Variants in LETM2 observed in about 807,000 individuals in gnomAD.
LETM2 encodes leucine zipper and EF-hand containing transmembrane protein 2.
LETM2 carries 58 observed loss-of-function variants against 59.6 expected under a neutral mutation model. The observed-to-expected ratio is 0.97, with a 90% CI of 0.79 to 1.21. The LOEUF (loss-of-function observed/expected upper bound fraction) is 1.21. Ranked by LOEUF, LETM2 falls within the 50% of genes most tolerant of loss-of-function variation. The pLI, the probability that LETM2 is intolerant of heterozygous loss-of-function variation, is 0.00. For missense variants in LETM2, 572 were observed against 575.7 expected, an observed-to-expected ratio of 0.99 and a Z score of 0.07; for synonymous variants, 199 against 214.1, an observed-to-expected ratio of 0.93 and a Z score of 0.62.
intron 2 of LETM2, among the ~76,000 whole-genome samples, chr8:38,392,122 T>C (rs1237691048): frequency 6.6e-6 from 1 of 152,212 alleles, no homozygotes; most frequent in Non-Finnish European, 1.5e-5. Flanking sequence ...CATCAAATGT[T>C]TCTTTGAAAC....
chr8:38,394,135 C>T lies in LETM2; in HGVS notation c.539C>T (p.Pro180Leu), dbSNP rs764745142. 1.9e-5 allele frequency: 28 copies of T among 1,501,246 alleles called. No individual in the cohort carries two copies. The South Asian group carries it at 3.5e-4, about 19-fold the overall frequency. The allele number at this position is 1,501,246 out of a possible 1,614,324, so 93.0% of individuals were successfully genotyped here. A position where few individuals can be genotyped will look rare whatever the true frequency, so the allele number is the denominator to read the frequency against. The change falls in exon 4 of 11, where the codon CCA (proline) becomes CTA (leucine). Residue 180 changes from proline (P) to leucine (L), a missense_variant. Pro to Leu is a moderately conservative substitution (Grantham distance 98, BLOSUM62 -3). Transcript: ENST00000379957. ...TGTGTTGATTTCTTCCGCCTGGTTC[C>T]ATTTATGGTGTTCTTAATTGTACCC... The part of the protein sequence containing the change: ...RTCVDFFRLV[P>L]FMVFLIVPFM...
At chr8:38,400,220 A>G in intron 4 of LETM2, 52 bp from the exon 5 acceptor site, 1 of 1,438,610 alleles carries the variant, frequency 7.0e-7, no homozygotes, top group Admixed American at 1.9e-5. Context: ...ATCTTTATCT[A>G]CCAATTTACA....
At chr8:38,408,138 C>CA (rs1167152576) in intron 10 of LETM2, 74 bp from the exon 11 acceptor site, 5 of 1,126,142 alleles carry the variant, frequency 4.4e-6, no homozygotes, top group Non-Finnish European at 6.5e-6. Context: ...ATTAAGAAAA[C>CA]AAAAATAGCA....
chr8:38,388,236 C>T (rs537224427), intron 2 of LETM2, among the ~76,000 whole-genome samples: 2 of 152,072 alleles, frequency 1.3e-5, no homozygotes, highest in Middle Eastern at 3.4e-3. Context: ...TTTGCCACCA[C>T]CTCCGGCTAA....
intron 2 of LETM2, 27 bp from the exon 3 acceptor site, chr8:38,392,515 C>G (rs1229560091): frequency 7.3e-7 from 1 of 1,372,934 alleles, no homozygotes; most frequent in South Asian, 1.2e-5. Flanking sequence ...ATGTACTTAA[C>G]TCAGAGGATG....
intron 1 of LETM2, among the ~76,000 whole-genome samples, chr8:38,387,476 T>C (rs946964567): frequency 6.6e-6 from 1 of 152,204 alleles, no homozygotes; most frequent in Admixed American, 6.5e-5. Context: ...ATGTCTACCT[T>C]CATCCACTGC....
At chr8:38,401,926 G>A (rs780457689) in intron 6 of LETM2, among the ~76,000 whole-genome samples, 5 of 152,154 alleles carry the variant, frequency 3.3e-5, no homozygotes, top group Non-Finnish European at 5.9e-5. Flanking sequence ...ATTCCACCTG[G>A]GGGAGCAGGT....
intron 1 of LETM2, chr8:38,387,263 C>G (rs897037258): frequency 6.6e-6 from 1 of 152,270 alleles, no homozygotes; most frequent in African/African-American, 2.4e-5. Flanking sequence ...TCCTGGAACT[C>G]TTTTCCCAAC....
Position 38,406,949 on chromosome 8 carries a change from C to G in LETM2, c.1222C>G (p.Pro408Ala), listed in dbSNP as rs764267866. Residue 408 changes from proline (P) to alanine (A), a missense_variant, in exon 9 of 11, where the codon CCA becomes GCA. Transcript: ENST00000379957. ...PIEIPLSGEA[P>A]KTDILVELPT... is the part of the protein sequence containing the mutation. ...CATAAAATGTTTATCTCCCCAGGCT[C>G]CAAAGACTGATATTCTTGTGGAATT... The G allele has an allele frequency of 6.2e-7, 1 of 1,604,074 alleles. No homozygotes were observed. The highest frequency in any genetic ancestry group is 1.3e-5 in the African/African-American group (1 of 74,774).
chr8:38,406,920 GAT>G (rs767610750), intron 8 of LETM2, 24 bp from the exon 9 acceptor site: 9 of 1,474,686 alleles, frequency 6.1e-6, no homozygotes, highest in Admixed American at 1.7e-5. Flanking sequence ...GAAAGCTTAT[GAT>G]ACATAAAATG....
chr8:38,383,054 C>T (rs1811643370), upstream of LETM2: 1 of 152,230 alleles, frequency 6.6e-6, no homozygotes, highest in Non-Finnish European at 1.5e-5. Flanking sequence ...CCGCCGCATC[C>T]CCGGGTGCCC....
chr8:38,400,752 G>C, intron 5 of LETM2, 101 bp from the exon 6 acceptor site: 1 of 1,018,530 alleles, frequency 9.8e-7, no homozygotes, highest in Non-Finnish European at 1.5e-6. Flanking sequence ...ATGTCAGACA[G>C]AGTCCCATAA....
chr8:38,407,164 A>T (rs771473026), intron 9 of LETM2, 126 bp downstream of exon 9: 3 of 721,680 alleles, frequency 4.2e-6, no homozygotes, highest in Non-Finnish European at 7.1e-6. Context: ...TTAATAAGGA[A>T]TATTTATTGT....
At chr8:38,393,931 G>T in intron 3 of LETM2, 167 bp from the exon 4 acceptor site, 1 of 481,848 alleles carries the variant, frequency 2.1e-6, no homozygotes, top group Non-Finnish European at 3.5e-6. Flanking sequence ...GAGGTGGAAG[G>T]ATTGCGTGAG....
chr8:38,406,822 G>C, intron 8 of LETM2, 124 bp from the exon 9 acceptor site: 3 of 624,180 alleles, frequency 4.8e-6, no homozygotes, highest in Admixed American at 2.8e-5. Flanking sequence ...GGTGTAGCTA[G>C]AGGAGGAAGT....
At position 38,404,463 on chromosome 8, in the gene LETM2, T is replaced by C. The variant is rs776307287; in HGVS notation, c.1175T>C (p.Ile392Thr). 72 of 1,613,868 alleles carry C rather than the reference T, an allele frequency of 4.5e-5. No individual in the cohort carries two copies. The highest frequency in any genetic ancestry group is 5.4e-5 in the Non-Finnish European group (64 of 1,179,968). The change falls in exon 8 of 11, where the codon ATA (isoleucine) becomes ACA (threonine). Residue 392 changes from isoleucine (I) to threonine (T), a missense_variant. By Grantham distance (89) the Ile-to-Thr change is moderately conservative. Coordinates refer to ENST00000379957, the MANE Select transcript of LETM2 (RefSeq NM_001286819.2). ...CTCCTGTCCCGCACCTTCTACCTGA[T>C]AGATGTGAAGCCCAAGCCGATTGAG... ...LLLLSRTFYL[I>T]DVKPKPIEIP... is the part of the protein sequence containing the mutation.
chr8:38,403,387 G>T (rs1193177212), intron 7 of LETM2, among the ~76,000 whole-genome samples: 1 of 152,210 alleles, frequency 6.6e-6, no homozygotes. Flanking sequence ...AGTGTAACGG[G>T]TCCTGGCAAA....
chr8:38,405,727 C>G (rs947068629), intron 8 of LETM2, among the ~76,000 whole-genome samples: 5 of 152,214 alleles, frequency 3.3e-5, no homozygotes, highest in Admixed American at 3.3e-4. Flanking sequence ...TCATGTGAGA[C>G]AGACCAAAGT....
In LETM2 at chr8:38,388,046, A is replaced by AC. The variant is rs1247250948; in HGVS notation, c.47+22dup. ...CTCGAACAAGGTAAGCATTGGAGTTACCCCCCAATATGAACGTAATTCTTC... is the reference window on the plus strand; with the variant it reads ...CTCGAACAAGGTAAGCATTGGAGTTACCCCCCCAATATGAACGTAATTCTTC... On this transcript the variant is annotated intron_variant, in intron 2 of 10. Coordinates refer to ENST00000379957, the MANE Select transcript of LETM2 (RefSeq NM_001286819.2). 6.1e-6 allele frequency: 9 copies of AC among 1,466,394 alleles called. No individual in the cohort carries two copies. The highest frequency in any genetic ancestry group is 4.3e-5 in the African/African-American group (3 of 70,140). The allele number at this position is 1,466,394 out of a possible 1,614,324, so 90.8% of individuals were successfully genotyped here. A position where few individuals can be genotyped will look rare whatever the true frequency, so the allele number is the denominator to read the frequency against.
Sources: allele counts gnomAD v4.1 joint callset (sites outside exome capture counted in the v4.1 genomes callset), GRCh38; gene constraint gnomAD v4.1.1; transcripts MANE v1.5; gene names NCBI Gene and HGNC (gene_info 2026-07-23, HGNC 2026-07-21).